The following SOS1 variants were observed in gnomAD, a reference collection of about 807,000 sequenced individuals.
The protein encoded by SOS1 is son of sevenless homolog 1.
SOS1 carries 25 observed loss-of-function variants against 157.6 expected under a neutral mutation model. The ratio of observed to expected loss-of-function variants is 0.16; its 90% CI spans 0.12 to 0.22. The LOEUF (loss-of-function observed/expected upper bound fraction) is 0.22, where lower values mean the gene tolerates loss of function less well. Among genes scored for constraint, SOS1 ranks in the 10% least tolerant of loss-of-function variants. The pLI, the probability that SOS1 is intolerant of heterozygous loss-of-function variation, is 1.00. For synonymous variants in SOS1, 528 were observed against 534.0 expected (o/e 0.99, Z 0.16); for missense variants, 1,237 against 1,599.1 (o/e 0.77, Z 3.86).
intron 6 of SOS1, among the ~76,000 whole-genome samples, chr2:39,050,482 A>G (rs1670969256): frequency 6.6e-6 from 1 of 152,170 alleles, no homozygotes; most frequent in Admixed American, 6.5e-5. Flanking sequence ...TTTCACAAAA[A>G]TCCTGAGATT....
intron 1 of SOS1, among the ~76,000 whole-genome samples, chr2:39,073,416 T>C (rs1440958437): frequency 6.6e-6 from 1 of 152,268 alleles, no homozygotes; most frequent in Non-Finnish European, 1.5e-5. Context: ...TACTTCTTTA[T>C]ATTTTCTTAA....
intron 6 of SOS1, among the ~76,000 whole-genome samples, chr2:39,043,321 CAT>C (rs562160554): frequency 3.8e-4 from 58 of 152,194 alleles, no homozygotes; most frequent in Admixed American, 2.5e-3. Context: ...GATATATAGA[CAT>C]ATGTTTTATT....
chr2:39,095,497 A>AT (rs1407594451), intron 1 of SOS1, among the ~76,000 whole-genome samples: 225 of 152,328 alleles, frequency 1.5e-3, no homozygotes, highest in African/African-American at 5.3e-3. Context: ...AGCCAGGCAA[A>AT]ATGTGGCTCA....
At chr2:39,040,665 T>C (rs779518912) in intron 6 of SOS1, among the ~76,000 whole-genome samples, 13 of 152,232 alleles carry the variant, frequency 8.5e-5, no homozygotes, top group Non-Finnish European at 1.8e-4. Context: ...ATTTTATCCA[T>C]TTTTAAGCTG....
At chr2:39,021,175 C>T (rs1253794572) in intron 10 of SOS1, among the ~76,000 whole-genome samples, 2 of 151,364 alleles carry the variant, frequency 1.3e-5, no homozygotes, top group African/African-American at 4.8e-5. Context: ...ACAAAAGTAC[C>T]ATGTCCACGG....
intron 6 of SOS1, among the ~76,000 whole-genome samples, chr2:39,050,199 G>C (rs2124594883): frequency 6.6e-6 from 1 of 152,266 alleles, no homozygotes; most frequent in South Asian, 2.1e-4. Flanking sequence ...ATAATGAGTG[G>C]ATTTTAGAGT....
intron 6 of SOS1, among the ~76,000 whole-genome samples, chr2:39,035,937 A>T (rs1670327199): frequency 6.6e-6 from 1 of 152,230 alleles, no homozygotes; most frequent in African/African-American, 2.4e-5. Flanking sequence ...GTATTCTATA[A>T]ACCAGAAGTA....
At chr2:39,046,642 C>T (rs1257167692) in intron 6 of SOS1, among the ~76,000 whole-genome samples, 8 of 152,064 alleles carry the variant, frequency 5.3e-5, no homozygotes, top group African/African-American at 1.9e-4. Flanking sequence ...GTAGCTGGGA[C>T]TACAGGTGCG....
chr2:39,078,692 G>A (rs1318243407), intron 1 of SOS1, among the ~76,000 whole-genome samples: 1 of 152,136 alleles, frequency 6.6e-6, no homozygotes, highest in Admixed American at 6.5e-5. Context: ...GATCTGAGGT[G>A]AAAGAGTTTT....
rs2124536474 is a variant in SOS1 at position 39,022,691 on chromosome 2, C to T, written c.1737G>A (p.Glu579=). 3 of 1,613,486 alleles carry T rather than the reference C, an allele frequency of 1.9e-6. No homozygotes were observed. Among genetic ancestry groups the T allele is most frequent in the East Asian group, 2.2e-5 (1 of 44,872 alleles). ...LPSADVYRFA[E]PDSEENIIFE... ...ATATAATATTCTCTTCAGAGTCAGG[C>T]TCTGCAAATCTATAAACATCAGCAC... Residue 579 remains glutamate, a synonymous_variant, in exon 10 of 23, where the codon GAG becomes GAA. Transcript: ENST00000402219.
In SOS1 at chr2:39,046,002, G is replaced by C. The variant is rs1670769885; in HGVS notation, c.864+5142C>G. ...GCTGGAATTACAGGCATGAGCCATT[G>C]CGCCAGGCCTAAAGTGAATTTTTAA... On this transcript the variant is annotated intron_variant, in intron 6 of 22. Transcript: ENST00000402219. Among the ~76,000 whole-genome samples the C allele has an allele frequency of 2.0e-5, 3 of 152,234 alleles. No homozygotes were observed. In the South Asian group the frequency reaches 6.2e-4, roughly 32 times the overall value.
intron 6 of SOS1, among the ~76,000 whole-genome samples, chr2:39,043,372 T>C (rs570131856): frequency 7.9e-4 from 120 of 152,370 alleles, no homozygotes; most frequent in Non-Finnish European, 1.4e-3. Flanking sequence ...TTCATTGATA[T>C]CTGAGAATGT....
At chr2:39,052,294 G>A (rs1671045248) in intron 5 of SOS1, among the ~76,000 whole-genome samples, 3 of 152,058 alleles carry the variant, frequency 2.0e-5, no homozygotes, top group Non-Finnish European at 1.5e-5. Context: ...TTTTATCAGT[G>A]ACTATATTTA....
chr2:39,029,541 T>A (rs1479771306), intron 8 of SOS1, among the ~76,000 whole-genome samples: 1 of 152,048 alleles, frequency 6.6e-6, no homozygotes, highest in Non-Finnish European at 1.5e-5. Context: ...GGTGGATTAA[T>A]TGAGCCTGGG....
chr2:39,005,780 A>T (rs1039054810), intron 17 of SOS1, among the ~76,000 whole-genome samples: 6 of 152,112 alleles, frequency 3.9e-5, no homozygotes, highest in Non-Finnish European at 8.8e-5. Flanking sequence ...TAATTTCTAT[A>T]AGCATTCAAA....
At chr2:39,119,356 C>CA (rs1053584659) in intron 1 of SOS1, among the ~76,000 whole-genome samples, 1 of 152,112 alleles carries the variant, frequency 6.6e-6, no homozygotes, top group Non-Finnish European at 1.5e-5. Flanking sequence ...GAGAACAGGG[C>CA]AAAAGGGAAA....
chr2:39,028,701 A>G (rs1670055535), intron 8 of SOS1, among the ~76,000 whole-genome samples: 1 of 152,242 alleles, frequency 6.6e-6, no homozygotes, highest in Non-Finnish European at 1.5e-5. Flanking sequence ...GAACAGGTAA[A>G]TTGCAATGCA....
rs1325516428 is a variant in SOS1, at chr2:38,985,850, G to C, written c.3976C>G (p.Leu1326Val). ...CAGGAAGAATGGGCATTCTCCAACA[G>C]TGGTGGTCCATCTCTGTGCATGGAT... ...HPSMHRDGPP[L>V]LENAHSS Residue 1326 changes from leucine to valine, a missense_variant, in exon 23 of 23, where the codon CTG becomes GTG. Leu to Val is a conservative substitution (Grantham distance 32, BLOSUM62 1). This residue lies in a region of SOS1 where 306 missense variants were observed against 322.6 expected (regional missense o/e 0.95). Coordinates refer to ENST00000402219, the MANE Select transcript of SOS1 (RefSeq NM_005633.4). The C allele has an allele frequency of 1.9e-6, 3 of 1,613,732 alleles. No homozygotes were observed. The African/African-American group carries it at 4.0e-5, about 22-fold the overall frequency.
At chr2:39,090,796 A>T (rs1672565123) in intron 1 of SOS1, among the ~76,000 whole-genome samples, 1 of 152,114 alleles carries the variant, frequency 6.6e-6, no homozygotes, top group South Asian at 2.1e-4. Context: ...AACTTAAATC[A>T]CCTAGCAATT....
Sources: allele counts gnomAD v4.1 joint callset (sites outside exome capture counted in the v4.1 genomes callset), GRCh38; gene constraint gnomAD v4.1.1; regional missense constraint gnomAD v4.1.1; transcripts MANE v1.5; gene names NCBI Gene and HGNC (gene_info 2026-07-23, HGNC 2026-07-21).